The following WDR12 variants were observed in gnomAD, a reference collection of about 807,000 sequenced individuals.
WDR12 encodes WD repeat domain 12, also known as ribosome biogenesis protein WDR12.
A neutral mutation model predicts 64.3 loss-of-function variants in WDR12; 42 were observed. The observed-to-expected ratio is 0.65, with a 90% CI of 0.51 to 0.84. The LOEUF (loss-of-function observed/expected upper bound fraction) is 0.84. Ranked by LOEUF, WDR12 falls within the 40% of genes least tolerant of loss-of-function variation. WDR12 has a pLI of 0.00. For synonymous variants in WDR12, 158 were observed against 173.3 expected (o/e 0.91, Z 0.70); for missense variants, 469 against 494.6 (o/e 0.95, Z 0.49).
chr2:202,892,508 C>A, intron 8 of WDR12, 109 bp downstream of exon 8: 1 of 615,208 alleles, frequency 1.6e-6, no homozygotes, highest in Middle Eastern at 2.8e-4. Flanking sequence ...ATGGTTAAAG[C>A]AGCAAGGTAA....
intron 1 of WDR12, 60 bp from the exon 2 acceptor site, chr2:202,908,019 T>C (rs1688494561): frequency 4.8e-6 from 7 of 1,468,440 alleles, no homozygotes; most frequent in African/African-American, 1.4e-5. Context: ...AAACATGCTT[T>C]TACGAATTCA....
In WDR12 at chr2:202,900,839, C is replaced by CTAT. The variant is rs745910298; in HGVS notation, c.231+185_231+186insATA. On this transcript the variant is annotated intron_variant, in intron 3 of 12. Transcript: ENST00000261015. ...GAATATACATATATATATACACACA[C>CTAT]ACTATATATATTCAATACACACATA... Among the ~76,000 whole-genome samples, 4 of 152,116 alleles carry CTAT rather than the reference C, an allele frequency of 2.6e-5. No homozygotes were observed. The South Asian group carries it at 6.2e-4, about 24-fold the overall frequency.
chr2:202,878,212 A>G lies in WDR12; in HGVS notation c.*2648T>C, dbSNP rs887485382. 2 of 152,218 alleles carry G rather than the reference A, an allele frequency of 1.3e-5. No individual in the cohort carries two copies. The highest frequency in any genetic ancestry group is 2.9e-5 in the Non-Finnish European group (2 of 68,042). The allele number at this position is 152,218 out of a possible 1,614,324, so 9.4% of individuals were successfully genotyped here. ...CTGGATGCCATTTTATTCTTTGTCTATGCATCTGATATATAGGCTTCTTTA... is the reference window on the plus strand; with the variant it reads ...CTGGATGCCATTTTATTCTTTGTCTGTGCATCTGATATATAGGCTTCTTTA... On this transcript the variant is annotated 3_prime_UTR_variant, in exon 13 of 13. Transcript: ENST00000261015.
At chr2:202,905,495 G>C (rs1334214511) in intron 2 of WDR12, among the ~76,000 whole-genome samples, 1 of 152,212 alleles carries the variant, frequency 6.6e-6, no homozygotes, top group Non-Finnish European at 1.5e-5. Context: ...TGAGGATATG[G>C]AGAAAAGGGA....
intron 6 of WDR12, 177 bp from the exon 7 acceptor site, chr2:202,894,803 A>AG: frequency 2.0e-6 from 1 of 493,136 alleles, no homozygotes; most frequent in East Asian, 3.6e-5. Context: ...GAAATCTTGA[A>AG]GGCCAAGCTT....
In WDR12 at chr2:202,876,619, G is replaced by A. The variant is rs1184676005; in HGVS notation, c.*4241C>T. On this transcript the variant is annotated 3_prime_UTR_variant, in exon 13 of 13. Transcript: ENST00000261015. ...GTCATATTTTTTCCTTTAAGAATAG[G>A]AGCCATAGTAATATCTATTAAAAAA... 1 of 152,086 alleles carries A rather than the reference G, an allele frequency of 6.6e-6. No homozygotes were observed. Among genetic ancestry groups the A allele is most frequent in the Non-Finnish European group, 1.5e-5 (1 of 68,024 alleles). The allele number at this position is 152,086 out of a possible 1,614,324, so 9.4% of individuals were successfully genotyped here.
chr2:202,883,051 T>C (rs777885876), intron 11 of WDR12, among the ~76,000 whole-genome samples: 35 of 152,226 alleles, frequency 2.3e-4, no homozygotes, highest in Non-Finnish European at 4.4e-4. Flanking sequence ...ATTTTCACAC[T>C]TCCTTGACTA....
At position 202,878,649 on chromosome 2, in the gene WDR12, G is replaced by T. The variant is rs1056740837; in HGVS notation, c.*2211C>A. 8 of 152,174 alleles carry T rather than the reference G, an allele frequency of 5.3e-5. No individual in the cohort carries two copies. The highest frequency in any genetic ancestry group is 1.9e-4 in the African/African-American group (8 of 41,430). The allele number at this position is 152,174 out of a possible 1,614,324, so 9.4% of individuals were successfully genotyped here. On this transcript the variant is annotated 3_prime_UTR_variant, in exon 13 of 13. Coordinates refer to ENST00000261015, the MANE Select transcript of WDR12 (RefSeq NM_018256.4). ...TGGACTGCCTCTGGTTTTCTACAGA[G>T]AACTAAACTCCTAACTGGTTCAATA...
chr2:202,900,242 T>C lies in WDR12; in HGVS notation c.232-605A>G, dbSNP rs1404966514. On this transcript the variant is annotated intron_variant, in intron 3 of 12. Transcript: ENST00000261015. Reference sequence around the variant, plus strand: ...TACTTTGGAGGCTGAGGCGCAAGAATCATTTGTACCCAGGAGGTAGAGGTT... The same window carrying C: ...TACTTTGGAGGCTGAGGCGCAAGAACCATTTGTACCCAGGAGGTAGAGGTT... 3.3e-5 allele frequency among the ~76,000 whole-genome samples: 5 copies of C among 150,410 alleles called. No homozygotes were observed. In the East Asian group the frequency reaches 9.8e-4, roughly 29 times the overall value.
chr2:202,885,465 T>A (rs945943557), intron 8 of WDR12, among the ~76,000 whole-genome samples: 3 of 152,170 alleles, frequency 2.0e-5, no homozygotes, highest in African/African-American at 7.2e-5. Flanking sequence ...TTAGACTGGT[T>A]ATTAGTGAAA....
At chr2:202,886,247 AG>A (rs944533979) in intron 8 of WDR12, among the ~76,000 whole-genome samples, 2 of 151,544 alleles carry the variant, frequency 1.3e-5, no homozygotes, top group African/African-American at 4.8e-5. Flanking sequence ...ACTTGAGCTC[AG>A]GAGTTCAAGA....
chr2:202,894,365 T>C (rs1448777768), intron 7 of WDR12, among the ~76,000 whole-genome samples: 1 of 152,048 alleles, frequency 6.6e-6, no homozygotes, highest in African/African-American at 2.4e-5. Context: ...TACCGGTGCA[T>C]ACCACCACAC....
At chr2:202,890,068 A>G (rs577419133) in intron 8 of WDR12, among the ~76,000 whole-genome samples, 49 of 152,006 alleles carry the variant, frequency 3.2e-4, no homozygotes, top group Non-Finnish European at 6.5e-4. Flanking sequence ...ATCTACAAAA[A>G]AAAAGAAAAA....
At position 202,882,801 on chromosome 2, in the gene WDR12, T is replaced by G. The variant is rs1317205645; in HGVS notation, c.1122-18A>C. 1.3e-5 allele frequency: 21 copies of G among 1,606,706 alleles called. No homozygotes were observed. The highest frequency in any genetic ancestry group is 1.8e-5 in the Non-Finnish European group (21 of 1,173,388). The stretch of plus-strand genomic sequence containing the variant: ...CCTTACAACTAAAAGATGAAAATAT[T>G]AACATATTATATGCATTCACAGTGT... On this transcript the variant is annotated intron_variant, in intron 11 of 12. Transcript: ENST00000261015.
chr2:202,875,921 T>C lies in WDR12; in HGVS notation c.*4939A>G, dbSNP rs1559156287. The C allele has an allele frequency of 6.6e-6, 1 of 152,220 alleles. No homozygotes were observed. Among genetic ancestry groups the C allele is most frequent in the Non-Finnish European group, 1.5e-5 (1 of 68,044 alleles). 9.4% of individuals were successfully genotyped at this position (152,220 alleles called of 1,614,324 possible). On this transcript the variant is annotated 3_prime_UTR_variant, in exon 13 of 13. Transcript: ENST00000261015. ...TAAAATGCAAATAATTTATTACCTA[T>C]AGAGGATTATTATGGTAGGATATAG... is the stretch of plus-strand genomic sequence containing the variant.
chr2:202,882,781 C>A lies in WDR12; in HGVS notation c.1124G>T (p.Cys375Phe), dbSNP rs1328649361. ...AGCCAGATCATAGAGAGGAGCCTTA[C>A]AACTAAAAGATGAAAATATTAACAT... ...NIVKLWDTRS[C>F]KAPLYDLAAH... Residue 375 changes from cysteine (C) to phenylalanine (F), a missense_variant and splice_region_variant, in exon 12 of 13, where the codon TGT becomes TTT. Transcript: ENST00000261015. 2 of 1,613,746 alleles carry A rather than the reference C, an allele frequency of 1.2e-6. No individual in the cohort carries two copies. The highest frequency in any genetic ancestry group is 1.7e-5 in the Admixed American group (1 of 60,010).
intron 1 of WDR12, among the ~76,000 whole-genome samples, chr2:202,910,815 T>C (rs181394147): frequency 4.3e-4 from 66 of 152,088 alleles, no homozygotes; most frequent in African/African-American, 1.6e-3. Flanking sequence ...CAGGTGGGAG[T>C]TTCCTAGTTT....
At position 202,874,705 on chromosome 2, in the gene WDR12, A is replaced by G. The variant is rs1559156114; in HGVS notation, c.*6155T>C. 6.6e-6 allele frequency: 1 copy of G among 152,206 alleles called. No individual in the cohort carries two copies. Among genetic ancestry groups the G allele is most frequent in the Non-Finnish European group, 1.5e-5 (1 of 68,040 alleles). The allele number at this position is 152,206 out of a possible 1,614,324, so 9.4% of individuals were successfully genotyped here. On this transcript the variant is annotated 3_prime_UTR_variant, in exon 13 of 13. Transcript: ENST00000261015. ...GACGTCAGGAGAAGCATTATAGGTC[A>G]GTGACAGTGGGGCCATGGAGAGCTA... is the stretch of plus-strand genomic sequence containing the variant.
intron 8 of WDR12, 78 bp from the exon 9 acceptor site, chr2:202,884,613 C>G: frequency 6.9e-7 from 1 of 1,439,140 alleles, no homozygotes; most frequent in East Asian, 2.5e-5. Flanking sequence ...TTATTACTTA[C>G]AAAGCCCACA....
Sources: allele counts gnomAD v4.1 joint callset (sites outside exome capture counted in the v4.1 genomes callset), GRCh38; gene constraint gnomAD v4.1.1; transcripts MANE v1.5; gene names NCBI Gene and HGNC (gene_info 2026-07-23, HGNC 2026-07-21).